Variants in GSPT1 observed in about 807,000 individuals in gnomAD.
GSPT1 encodes eukaryotic peptide chain release factor GTP-binding subunit ERF3A.
A neutral mutation model predicts 72.5 loss-of-function variants in GSPT1; 20 were observed. The observed-to-expected ratio is 0.28, with a 90% CI of 0.19 to 0.40. The LOEUF (loss-of-function observed/expected upper bound fraction) is 0.40, where lower values mean the gene tolerates loss of function less well. Ranked by LOEUF, GSPT1 falls within the 10% of genes least tolerant of loss-of-function variation. The pLI is 1.00. For synonymous variants in GSPT1, 334 were observed against 293.5 expected, an observed-to-expected ratio of 1.14 and a Z score of -1.41; for missense variants, 580 against 811.9, an observed-to-expected ratio of 0.71 and a Z score of 3.47.
intron 14 of GSPT1, among the ~76,000 whole-genome samples, chr16:11,874,038 A>G (rs1209202833): frequency 6.6e-6 from 1 of 152,224 alleles, no homozygotes; most frequent in Non-Finnish European, 1.5e-5. Flanking sequence ...TAAACTAGAC[A>G]AAGGACCACA....
At chr16:11,889,950 T>A (rs2054237438) in intron 6 of GSPT1, among the ~76,000 whole-genome samples, 1 of 150,072 alleles carries the variant, frequency 6.7e-6, no homozygotes, top group African/African-American at 2.5e-5. Context: ...CCAATAAAAG[T>A]TGTTTTCCTT....
upstream of GSPT1, chr16:11,916,143 T>A (rs1044944368): frequency 1.1e-5 from 4 of 375,658 alleles, no homozygotes; most frequent in Non-Finnish European, 2.1e-5. Flanking sequence ...GCTACCCCGC[T>A]GCGGTTTTCC....
chr16:11,913,582 G>A (rs1459336058), intron 1 of GSPT1, among the ~76,000 whole-genome samples: 1 of 152,226 alleles, frequency 6.6e-6, no homozygotes, highest in African/African-American at 2.4e-5. Flanking sequence ...ATCCCCGGAT[G>A]ACTCGCTGGA....
At chr16:11,897,409 A>AC (rs1439739101) in intron 3 of GSPT1, among the ~76,000 whole-genome samples, 4 of 150,728 alleles carry the variant, frequency 2.7e-5, no homozygotes, top group African/African-American at 9.7e-5. Context: ...ACATGGTGAA[A>AC]CCCCGCCTCT....
At chr16:11,884,998 G>A (rs1480929366) in intron 10 of GSPT1, among the ~76,000 whole-genome samples, 183 bp downstream of exon 10, 1 of 151,980 alleles carries the variant, frequency 6.6e-6, no homozygotes, top group Non-Finnish European at 1.5e-5. Context: ...AACCAAGGAG[G>A]CAGAGCTTGC....
chr16:11,902,014 G>A (rs570228241), intron 1 of GSPT1, among the ~76,000 whole-genome samples: 16 of 149,874 alleles, frequency 1.1e-4, no homozygotes, highest in Admixed American at 8.0e-4. Flanking sequence ...GAAGCTACCC[G>A]GGAGGCAGAG....
intron 6 of GSPT1, chr16:11,890,827 T>C: frequency 3.1e-6 from 1 of 323,564 alleles, no homozygotes; most frequent in Non-Finnish European, 5.6e-6. Flanking sequence ...ATGGATGGTT[T>C]ATAGTATTTT....
chr16:11,912,331 G>A (rs1239584428), intron 1 of GSPT1, among the ~76,000 whole-genome samples: 2 of 130,280 alleles, frequency 1.5e-5, no homozygotes, highest in Non-Finnish European at 1.6e-5. Flanking sequence ...CTGGGCAACA[G>A]AGCAAGACTC....
At position 11,885,256 on chromosome 16, in the gene GSPT1, T is replaced by G. The variant is rs773228071; in HGVS notation, c.1272A>C (p.Pro424=). Residue 424 remains proline (P), a synonymous_variant, in exon 10 of 15, where the codon CCA becomes CCC. Transcript: ENST00000434724. ...CPWYIGLPFI[P]YLDNLPNFNR... is the part of the protein sequence containing the mutation. Reference sequence around the variant, plus strand: ...TGAAGTTCGGCAAATTATCCAGATATGGAATAAACGGTAATCCACTGAGAA... The same window carrying G: ...TGAAGTTCGGCAAATTATCCAGATAGGGAATAAACGGTAATCCACTGAGAA... 4 of 1,565,956 alleles carry G rather than the reference T, an allele frequency of 2.6e-6. No homozygotes were observed. The East Asian group carries it at 9.0e-5, about 35-fold the overall frequency.
rs2053959594 is a variant in GSPT1 at position 11,869,847 on chromosome 16, A to T, written c.*3272T>A. On this transcript the variant is annotated 3_prime_UTR_variant, in exon 15 of 15. Transcript: ENST00000434724. ...TTTTTTCCAGGTTCATCTTGGGAGC[A>T]GTTTTTGATCATAGGTTCAACTTTT... The T allele has an allele frequency of 1.3e-5, 2 of 152,202 alleles. No individual in the cohort carries two copies. The highest frequency in any genetic ancestry group is 4.1e-4 in the South Asian group (2 of 4,834). 9.4% of individuals were successfully genotyped at this position (152,202 alleles called of 1,614,324 possible). A position where few individuals can be genotyped will look rare whatever the true frequency, so the allele number is the denominator to read the frequency against.
chr16:11,869,504 A>G lies in GSPT1; in HGVS notation c.*3615T>C, dbSNP rs33659. On this transcript the variant is annotated 3_prime_UTR_variant, in exon 15 of 15. Transcript: ENST00000434724. ...ATTAATGGCACAGTTTGATAAGGTAAGCCAACAATGAATATAACATTTAAC... is the reference window on the plus strand; with the variant it reads ...ATTAATGGCACAGTTTGATAAGGTAGGCCAACAATGAATATAACATTTAAC... 79,827 of 152,152 alleles carry G rather than the reference A, an allele frequency of 0.52. 22,803 individuals are homozygous for G. The highest frequency in any genetic ancestry group is 0.82 in the East Asian group (4,236 of 5,172). The allele number at this position is 152,152 out of a possible 1,614,324, so 9.4% of individuals were successfully genotyped here. A position where few individuals can be genotyped will look rare whatever the true frequency, so the allele number is the denominator to read the frequency against.
chr16:11,905,600 C>G (rs1337130282), intron 1 of GSPT1, among the ~76,000 whole-genome samples: 1 of 152,086 alleles, frequency 6.6e-6, no homozygotes, highest in East Asian at 1.9e-4. Flanking sequence ...TTTGGGAGGC[C>G]AAGGCGGGCA....
At chr16:11,883,898 C>T (rs551741802) in intron 10 of GSPT1, among the ~76,000 whole-genome samples, 2 of 147,066 alleles carry the variant, frequency 1.4e-5, no homozygotes, top group South Asian at 2.1e-4. Context: ...GGTGAAACAG[C>T]GAGACTCCAT....
At position 11,915,632 on chromosome 16, in the gene GSPT1, C is replaced by T. The variant is rs1309337086; in HGVS notation, c.89G>A (p.Cys30Tyr). ...GSSSSDSAPD[C>Y]WDQADMEAPG... Reference sequence around the variant, plus strand: ...GGCTTCCATGTCCGCCTGGTCCCAGCAGTCAGGCGCCGAGTCGCTGCTGCT... The same window carrying T: ...GGCTTCCATGTCCGCCTGGTCCCAGTAGTCAGGCGCCGAGTCGCTGCTGCT... Residue 30 changes from cysteine to tyrosine, a missense_variant, in exon 1 of 15, where the codon TGC becomes TAC. By Grantham distance (194) the Cys-to-Tyr change is radical. This residue lies in a region of GSPT1 where 327 missense variants were observed against 298.8 expected (regional missense o/e 1.09). Coordinates refer to ENST00000434724, the MANE Select transcript of GSPT1 (RefSeq NM_002094.4). 2 of 1,486,354 alleles carry T rather than the reference C, an allele frequency of 1.3e-6. No homozygotes were observed. The highest frequency in any genetic ancestry group is 1.8e-6 in the Non-Finnish European group (2 of 1,121,912). The allele number at this position is 1,486,354 out of a possible 1,614,324, so 92.1% of individuals were successfully genotyped here. A position where few individuals can be genotyped will look rare whatever the true frequency, so the allele number is the denominator to read the frequency against.
chr16:11,889,778 T>C (rs1159120436), intron 6 of GSPT1, among the ~76,000 whole-genome samples: 2 of 151,592 alleles, frequency 1.3e-5, no homozygotes, highest in African/African-American at 4.8e-5. Context: ...AGCGCTGGGA[T>C]TACAGGCGTG....
At chr16:11,882,993 A>T in intron 11 of GSPT1, 22 bp downstream of exon 11, 1 of 1,468,410 alleles carries the variant, frequency 6.8e-7, no homozygotes, top group Non-Finnish European at 9.5e-7. Context: ...AATAGATAGG[A>T]AACAGCATAA....
chr16:11,874,514 A>G (rs550862592), intron 14 of GSPT1, among the ~76,000 whole-genome samples: 5 of 142,282 alleles, frequency 3.5e-5, no homozygotes, highest in Non-Finnish European at 6.0e-5. Flanking sequence ...GGAAAAAATA[A>G]TTCTAGGGTT....
At chr16:11,882,988 A>G in intron 11 of GSPT1, 27 bp downstream of exon 11, 1 of 1,429,612 alleles carries the variant, frequency 7.0e-7, no homozygotes, top group Non-Finnish European at 9.9e-7. Context: ...CAATAAATAG[A>G]TAGGAAACAG....
At chr16:11,898,441 C>A (rs988638062) in intron 1 of GSPT1, among the ~76,000 whole-genome samples, 3 of 107,074 alleles carry the variant, frequency 2.8e-5, no homozygotes, top group Admixed American at 1.1e-4. Flanking sequence ...GTGATTAGCC[C>A]TTTTTTTTTT....
Sources: gnomAD v4.1 joint callset for allele counts (sites outside exome capture counted in the v4.1 genomes callset) on GRCh38, gnomAD v4.1.1 for gene constraint, gnomAD v4.1.1 regional missense constraint, MANE v1.5 for transcripts, NCBI Gene and HGNC (gene_info 2026-07-23, HGNC 2026-07-21) for gene names.